Variants in ADAM7 observed in about 807,000 individuals in gnomAD.
ADAM7 encodes ADAM metallopeptidase domain 7.
Under a neutral mutation model 102.9 loss-of-function variants are expected in ADAM7, and 97 were observed. That is an observed-to-expected ratio of 0.94 (90% CI 0.80 to 1.12). The LOEUF is 1.12. ADAM7 is among the 50% of genes most tolerant of loss of function. The probability of loss-of-function intolerance (pLI) is 0.00; values close to 1 mark genes in which losing one functional copy is unlikely to be tolerated. For missense variants in ADAM7, 991 were observed against 908.7 expected, an observed-to-expected ratio of 1.09 and a Z score of -1.16; for synonymous variants, 334 against 304.4, an observed-to-expected ratio of 1.10 and a Z score of -1.01.
At chr8:24,450,404 T>C (rs1016059754) in intron 3 of ADAM7, among the ~76,000 whole-genome samples, 2 of 152,164 alleles carry the variant, frequency 1.3e-5, no homozygotes, top group African/African-American at 2.4e-5. Context: ...TTTATTCTCT[T>C]TGAAGCATTT....
intron 3 of ADAM7, among the ~76,000 whole-genome samples, chr8:24,448,738 C>T (rs1186344940): frequency 1.3e-5 from 2 of 151,756 alleles, no homozygotes; most frequent in South Asian, 4.2e-4. Context: ...TTACATGGGC[C>T]ATGGTGGTGT....
At chr8:24,497,167 T>C (rs1401268343) in intron 16 of ADAM7, among the ~76,000 whole-genome samples, 1 of 152,148 alleles carries the variant, frequency 6.6e-6, no homozygotes, top group African/African-American at 2.4e-5. Flanking sequence ...CTGCCATCCA[T>C]GTAAGATGTG....
chr8:24,462,619 C>T (rs1819283041), intron 3 of ADAM7, among the ~76,000 whole-genome samples: 1 of 152,088 alleles, frequency 6.6e-6, no homozygotes, highest in African/African-American at 2.4e-5. Flanking sequence ...CCTTGAGGTA[C>T]TTTCTTTTTA....
chr8:24,472,790 T>C (rs1463175426), intron 7 of ADAM7, among the ~76,000 whole-genome samples: 2 of 151,906 alleles, frequency 1.3e-5, no homozygotes, highest in Non-Finnish European at 2.9e-5. Context: ...AAACAAAAAA[T>C]ACCACAATGG....
chr8:24,501,686 G>T, intron 20 of ADAM7, 110 bp downstream of exon 20: 1 of 709,322 alleles, frequency 1.4e-6, no homozygotes. Flanking sequence ...GAAGTGCAGA[G>T]GAGCAATTTA....
At chr8:24,504,347 T>C (rs1820875017) in intron 20 of ADAM7, among the ~76,000 whole-genome samples, 1 of 151,872 alleles carries the variant, frequency 6.6e-6, no homozygotes, top group Non-Finnish European at 1.5e-5. Flanking sequence ...CAACCTGGGC[T>C]ACATAGTGAT....
chr8:24,470,684 T>C (rs1819575469), intron 7 of ADAM7, among the ~76,000 whole-genome samples: 1 of 152,194 alleles, frequency 6.6e-6, no homozygotes, highest in African/African-American at 2.4e-5. Flanking sequence ...GCTTCACTCA[T>C]GTGTCTGTGG....
At chr8:24,504,063 T>TAAAATAAAATAAA (rs368461387) in intron 20 of ADAM7, among the ~76,000 whole-genome samples, 1 of 118,318 alleles carries the variant, frequency 8.5e-6, no homozygotes, top group African/African-American at 2.9e-5. Context: ...TAAAATAAAA[T>TAAAATAAAATAAA]AAATAAAATA....
At chr8:24,500,400 A>C in intron 18 of ADAM7, 144 bp downstream of exon 18, 1 of 679,666 alleles carries the variant, frequency 1.5e-6, no homozygotes, top group South Asian at 2.4e-5. Flanking sequence ...TGAATACCCA[A>C]ATTGATTTTA....
chr8:24,445,039 A>G (rs1818504637), intron 2 of ADAM7, among the ~76,000 whole-genome samples: 1 of 152,202 alleles, frequency 6.6e-6, no homozygotes, highest in Non-Finnish European at 1.5e-5. Context: ...TAATGACACA[A>G]TTTAAAATAT....
intron 20 of ADAM7, among the ~76,000 whole-genome samples, chr8:24,504,949 T>A (rs1372174488): frequency 6.6e-6 from 1 of 152,112 alleles, no homozygotes; most frequent in East Asian, 1.9e-4. Flanking sequence ...TCCATTAGAA[T>A]GGACAAAATA....
intron 3 of ADAM7, among the ~76,000 whole-genome samples, chr8:24,457,957 G>A (rs746590463): frequency 3.3e-5 from 5 of 151,506 alleles, no homozygotes; most frequent in Non-Finnish European, 7.4e-5. Flanking sequence ...AGTCCATTTT[G>A]ATGAATTGTC....
chr8:24,450,583 G>A (rs142948946), intron 3 of ADAM7, among the ~76,000 whole-genome samples: 10,208 of 151,932 alleles, frequency 0.067, 539 homozygotes, highest in African/African-American at 0.14. Context: ...ATATACAATC[G>A]TGTAGTCTGC....
At chr8:24,502,876 C>T (rs1280013453) in intron 20 of ADAM7, among the ~76,000 whole-genome samples, 1 of 151,312 alleles carries the variant, frequency 6.6e-6, no homozygotes, top group Non-Finnish European at 1.5e-5. Flanking sequence ...TTTTATGAGG[C>T]CAATATTTCT....
chr8:24,486,306 G>A, intron 10 of ADAM7, among the ~76,000 whole-genome samples: 1 of 152,122 alleles, frequency 6.6e-6, no homozygotes, highest in Admixed American at 6.5e-5. Context: ...GCATATAATG[G>A]AACTATGAGC....
At chr8:24,505,025 T>C (rs1820902750) in intron 20 of ADAM7, among the ~76,000 whole-genome samples, 1 of 152,196 alleles carries the variant, frequency 6.6e-6, no homozygotes, top group South Asian at 2.1e-4. Context: ...GATGCTAATG[T>C]AATTCTCATT....
At chr8:24,503,559 A>T (rs926276695) in intron 20 of ADAM7, among the ~76,000 whole-genome samples, 5 of 152,196 alleles carry the variant, frequency 3.3e-5, no homozygotes, top group African/African-American at 1.2e-4. Context: ...TCATTCTACT[A>T]TAAAGACACA....
At chr8:24,454,992 G>A (rs1319720236) in intron 3 of ADAM7, among the ~76,000 whole-genome samples, 4 of 152,024 alleles carry the variant, frequency 2.6e-5, no homozygotes, top group Non-Finnish European at 4.4e-5. Context: ...TTATTTGTAT[G>A]TGCGTATGAG....
intron 2 of ADAM7, among the ~76,000 whole-genome samples, chr8:24,444,313 ACTT>A (rs990072820): frequency 4.0e-5 from 6 of 151,600 alleles, no homozygotes; most frequent in Admixed American, 6.6e-5. Context: ...AAAAATGGAC[ACTT>A]CTTCTGGGAG....
Sources: allele counts gnomAD v4.1 joint callset (sites outside exome capture counted in the v4.1 genomes callset), GRCh38; gene constraint gnomAD v4.1.1; transcripts MANE v1.5; gene names NCBI Gene and HGNC (gene_info 2026-07-23, HGNC 2026-07-21).